Variants in ACAP2 observed in about 807,000 individuals in gnomAD.
ACAP2 encodes the protein arf-GAP with coiled-coil, ANK repeat and PH domain-containing protein 2.
ACAP2 carries 39 observed loss-of-function variants against 115.8 expected under a neutral mutation model. That is an observed-to-expected ratio of 0.34 (90% CI 0.26 to 0.44). The LOEUF (loss-of-function observed/expected upper bound fraction) is 0.44. ACAP2 is among the 20% of genes least tolerant of loss of function. The pLI is 1.00. For synonymous variants in ACAP2, 289 were observed against 315.8 expected (o/e 0.92, Z 0.90); for missense variants, 662 against 927.6 (o/e 0.71, Z 3.72).
chr3:195,377,372 A>G (rs1035188207), intron 4 of ACAP2, among the ~76,000 whole-genome samples: 3 of 151,834 alleles, frequency 2.0e-5, no homozygotes, highest in African/African-American at 7.3e-5. Context: ...CTCTAATTCC[A>G]GGGCTCAAGC....
At chr3:195,367,049 C>T (rs1217808491) in intron 4 of ACAP2, among the ~76,000 whole-genome samples, 2 of 131,618 alleles carry the variant, frequency 1.5e-5, no homozygotes, top group Non-Finnish European at 1.6e-5. Context: ...CCCCCAACCC[C>T]GCCAAAAAAA....
At chr3:195,431,303 C>T (rs1275137565) in intron 1 of ACAP2, among the ~76,000 whole-genome samples, 1 of 152,124 alleles carries the variant, frequency 6.6e-6, no homozygotes, top group Non-Finnish European at 1.5e-5. Context: ...CAGGTTGTTT[C>T]ACTTTTTGGC....
chr3:195,311,640 G>A (rs1369489410), intron 10 of ACAP2, among the ~76,000 whole-genome samples: 4 of 152,058 alleles, frequency 2.6e-5, no homozygotes, highest in African/African-American at 7.2e-5. Context: ...GAGTTCAAGC[G>A]ATTCTCCTGC....
intron 4 of ACAP2, among the ~76,000 whole-genome samples, chr3:195,365,044 G>A (rs6790245): frequency 3.3e-3 from 503 of 152,270 alleles, no homozygotes; most frequent in African/African-American, 0.012. Flanking sequence ...TAAACCTCGC[G>A]TGTTCTCACT....
chr3:195,294,955 C>G (rs1727547056), intron 17 of ACAP2, 144 bp from the exon 18 acceptor site: 1 of 535,696 alleles, frequency 1.9e-6, no homozygotes, highest in African/African-American at 1.9e-5. Context: ...TAATTTTAAG[C>G]CTTTTGAACA....
At chr3:195,327,619 G>C (rs1305027340) in intron 8 of ACAP2, among the ~76,000 whole-genome samples, 2 of 152,068 alleles carry the variant, frequency 1.3e-5, no homozygotes, top group Non-Finnish European at 2.9e-5. Context: ...ATTTTTAAAA[G>C]CTCAAAAAAC....
At chr3:195,305,421 C>T (rs1728357034) in intron 13 of ACAP2, among the ~76,000 whole-genome samples, 1 of 152,104 alleles carries the variant, frequency 6.6e-6, no homozygotes, top group African/African-American at 2.4e-5. Context: ...AATATCCAAC[C>T]AAACTACCAA....
intron 4 of ACAP2, among the ~76,000 whole-genome samples, chr3:195,361,569 CAAAAACAAAATA>C (rs1290761419): frequency 6.6e-6 from 1 of 151,822 alleles, no homozygotes; most frequent in Non-Finnish European, 1.5e-5. Context: ...GTGCCTACAT[CAAAAACAAAATA>C]CCTTCAAATA....
At chr3:195,418,060 G>A (rs1713886674) in intron 1 of ACAP2, among the ~76,000 whole-genome samples, 1 of 151,990 alleles carries the variant, frequency 6.6e-6, no homozygotes, top group Non-Finnish European at 1.5e-5. Context: ...TATTTAAAAC[G>A]CCTCCGTCTT....
chr3:195,305,905 C>A (rs1728390281), intron 13 of ACAP2, among the ~76,000 whole-genome samples: 1 of 151,978 alleles, frequency 6.6e-6, no homozygotes. Flanking sequence ...TTTTGGAATA[C>A]AATTTAGAGA....
At chr3:195,299,318 C>G (rs948369216) in intron 15 of ACAP2, among the ~76,000 whole-genome samples, 10 of 152,128 alleles carry the variant, frequency 6.6e-5, no homozygotes, top group African/African-American at 2.4e-4. Context: ...GCCTGTAATC[C>G]CAGCACTTTG....
At chr3:195,394,558 G>A (rs963989861) in intron 1 of ACAP2, among the ~76,000 whole-genome samples, 7 of 152,198 alleles carry the variant, frequency 4.6e-5, no homozygotes, top group Non-Finnish European at 8.8e-5. Context: ...GCTCACGCCT[G>A]TAATCCCAGC....
chr3:195,320,555 T>A (rs569603483), intron 10 of ACAP2, 146 bp downstream of exon 10: 198 of 498,896 alleles, frequency 4.0e-4, no homozygotes, highest in Admixed American at 8.2e-4. Context: ...CTAAAGGGCA[T>A]CTATCTTCAA....
At position 195,278,988 on chromosome 3, in the gene ACAP2, GA is replaced by G; in HGVS notation, c.*339del. The G allele has an allele frequency of 1.1e-5, 2 of 175,228 alleles. No individual in the cohort carries two copies. Among genetic ancestry groups the G allele is most frequent in the Non-Finnish European group, 2.4e-5 (2 of 83,306 alleles). The allele number at this position is 175,228 out of a possible 1,614,324, so 10.9% of individuals were successfully genotyped here. On this transcript the variant is annotated 3_prime_UTR_variant, in exon 23 of 23. Coordinates refer to ENST00000326793, the MANE Select transcript of ACAP2 (RefSeq NM_012287.6). ...GTGATCCTGGGCAAGATGCATGGAG[GA>G]AAAAAATCAATGCCACCACCCATTG...
At chr3:195,289,010 C>T in intron 21 of ACAP2, 111 bp downstream of exon 21, 1 of 708,840 alleles carries the variant, frequency 1.4e-6, no homozygotes, top group East Asian at 2.7e-5. Context: ...GGGACATGAG[C>T]ATATGTGGAT....
chr3:195,411,082 C>A, intron 1 of ACAP2: 1 of 260,096 alleles, frequency 3.8e-6, no homozygotes, highest in South Asian at 3.3e-5. Context: ...CAGGAACAGA[C>A]TAAGAAGCCA....
At chr3:195,374,794 A>C (rs1278623228) in intron 4 of ACAP2, among the ~76,000 whole-genome samples, 5 of 151,848 alleles carry the variant, frequency 3.3e-5, no homozygotes, top group African/African-American at 1.2e-4. Flanking sequence ...GGCTCACTAC[A>C]AGCTCCGCCT....
Position 195,326,974 on chromosome 3 carries a change from AAG to A in ACAP2, c.670-17_670-16del. The A allele has an allele frequency of 6.2e-7, 1 of 1,610,152 alleles. No individual in the cohort carries two copies. The highest frequency in any genetic ancestry group is 8.5e-7 in the Non-Finnish European group (1 of 1,177,308). On this transcript the variant is annotated splice_polypyrimidine_tract_variant and intron_variant, in intron 8 of 22. Transcript: ENST00000326793. ...AGTCGATCCAACTGTAAAAAGGGAAAAGAGAAAACTGCAGACTTAAAAAAAGT... is the reference window on the plus strand; with the variant it reads ...AGTCGATCCAACTGTAAAAAGGGAAAAGAAAACTGCAGACTTAAAAAAAGT...
chr3:195,339,430 T>C (rs539608891), intron 6 of ACAP2, among the ~76,000 whole-genome samples: 7 of 151,094 alleles, frequency 4.6e-5, no homozygotes, highest in South Asian at 4.2e-4. Flanking sequence ...TTAAGTGCTA[T>C]ATAAAATTTT....
Sources: allele counts gnomAD v4.1 joint callset (sites outside exome capture counted in the v4.1 genomes callset), GRCh38; gene constraint gnomAD v4.1.1; transcripts MANE v1.5; gene names NCBI Gene and HGNC (gene_info 2026-07-23, HGNC 2026-07-21).